The following MARK2 variants were observed in gnomAD, a reference collection of about 807,000 sequenced individuals.
MARK2 encodes serine/threonine-protein kinase MARK2.
MARK2 carries 16 observed loss-of-function variants against 89.8 expected under a neutral mutation model. That is an observed-to-expected ratio of 0.18 (90% CI 0.12 to 0.27). The LOEUF (loss-of-function observed/expected upper bound fraction) is 0.27. Among genes scored for constraint, MARK2 ranks in the 10% least tolerant of loss-of-function variants. The pLI, the probability that MARK2 is intolerant of heterozygous loss-of-function variation, is 1.00. For missense variants in MARK2, 621 were observed against 1,049.9 expected, an observed-to-expected ratio of 0.59 and a Z score of 5.65; for synonymous variants, 382 against 399.5, an observed-to-expected ratio of 0.96 and a Z score of 0.52.
rs759420903 is a variant in MARK2, at chr11:63,901,043, C to G, written c.1075C>G (p.Leu359Val). Residue 359 changes from leucine (L) to valine (V), a missense_variant, in exon 11 of 19, where the codon CTG becomes GTG. Around this residue, in one of 5 missense-constraint regions of MARK2, gnomAD observed 397 missense variants for 567.8 expected, o/e 0.70. Coordinates refer to ENST00000402010, the MANE Select transcript of MARK2 (RefSeq NM_001039469.3). Reference protein sequence around the residue: ...QRYNEVMATYLLLGYKSSELE... With the variant: ...QRYNEVMATYVLLGYKSSELE... ...ATACAACGAGGTGATGGCCACCTAT[C>G]TGCTCCTGGGCTACAAGAGCTCCGA... The G allele has an allele frequency of 6.2e-7, 1 of 1,613,812 alleles. No individual in the cohort carries two copies. Among genetic ancestry groups the G allele is most frequent in the Non-Finnish European group, 8.5e-7 (1 of 1,179,682 alleles).
At chr11:63,863,604 A>G (rs955645118) in intron 1 of MARK2, among the ~76,000 whole-genome samples, 3 of 151,548 alleles carry the variant, frequency 2.0e-5, no homozygotes, top group South Asian at 2.1e-4. Context: ...AACTGGGACT[A>G]CAGGCGCCTG....
Position 63,905,012 on chromosome 11 carries a change from T to A in MARK2, c.1903T>A (p.Phe635Ile). The stretch of plus-strand genomic sequence containing the variant: ...CCGGCGGGGGGCCTCTGGGAGCATC[T>A]TCAGCAAGTTCACCTCCAAGTTTGT... Reference protein sequence around the residue: ...QGRRGASGSIFSKFTSKFVRR... With the variant: ...QGRRGASGSIISKFTSKFVRR... Residue 635 changes from phenylalanine (F) to isoleucine (I), a missense_variant, in exon 16 of 19, where the codon TTC becomes ATC. By Grantham distance (21) the Phe-to-Ile change is conservative. This residue lies in a region of MARK2 where 397 missense variants were observed against 567.8 expected (regional missense o/e 0.70). Coordinates refer to ENST00000402010, the MANE Select transcript of MARK2 (RefSeq NM_001039469.3). The A allele has an allele frequency of 6.2e-7, 1 of 1,614,076 alleles. No individual in the cohort carries two copies. Among genetic ancestry groups the A allele is most frequent in the Non-Finnish European group, 8.5e-7 (1 of 1,179,964 alleles).
intron 1 of MARK2, among the ~76,000 whole-genome samples, chr11:63,839,794 C>T (rs980154791): frequency 1.3e-5 from 2 of 151,958 alleles, no homozygotes; most frequent in Admixed American, 6.6e-5. Flanking sequence ...CCCGTCTCCC[C>T]TCACCGCCCT....
intron 18 of MARK2, 123 bp from the exon 19 acceptor site, chr11:63,908,754 C>A (rs962024517): frequency 9.9e-7 from 1 of 1,008,316 alleles, no homozygotes; most frequent in Admixed American, 3.4e-5. Context: ...CCAGGGGCCA[C>A]GCCTGGCTGC....
chr11:63,868,502 A>G (rs375632068), intron 1 of MARK2: 38 of 309,962 alleles, frequency 1.2e-4, no homozygotes, highest in African/African-American at 8.2e-4. Context: ...ATGACTACAG[A>G]GAAGTGCTTT....
intron 1 of MARK2, among the ~76,000 whole-genome samples, chr11:63,850,415 C>T (rs1434902970): frequency 1.3e-5 from 2 of 148,818 alleles, no homozygotes; most frequent in Admixed American, 6.9e-5. Flanking sequence ...GATCTGCCCA[C>T]CTCGGCCTCC....
chr11:63,897,856 G>A (rs1468216289), intron 3 of MARK2, among the ~76,000 whole-genome samples: 1 of 152,192 alleles, frequency 6.6e-6, no homozygotes, highest in Admixed American at 6.5e-5. Flanking sequence ...CCAAGCTGGG[G>A]TGTGTACTGT....
intron 1 of MARK2, among the ~76,000 whole-genome samples, chr11:63,877,573 C>T (rs972756495): frequency 1.1e-4 from 16 of 151,882 alleles, no homozygotes; most frequent in African/African-American, 3.6e-4. Context: ...GTGGTGGGCA[C>T]CTGTAGTCCC....
chr11:63,854,417 A>G (rs1200551882), intron 1 of MARK2, among the ~76,000 whole-genome samples: 4 of 97,672 alleles, frequency 4.1e-5, no homozygotes, highest in Admixed American at 1.2e-4. Flanking sequence ...GGGTTTTACT[A>G]TGTTTGCCAG....
Position 63,899,187 on chromosome 11 carries a change from A to G in MARK2, c.531+79A>G, listed in dbSNP as rs1940661234. The G allele has an allele frequency of 1.5e-5, 13 of 878,182 alleles. 1 individual carries two copies. The South Asian group carries it at 1.7e-4, about 11-fold the overall frequency. The allele number at this position is 878,182 out of a possible 1,614,324, so 54.4% of individuals were successfully genotyped here. A position where few individuals can be genotyped will look rare whatever the true frequency, so the allele number is the denominator to read the frequency against. On this transcript the variant is annotated intron_variant, in intron 7 of 18. Coordinates refer to ENST00000402010, the MANE Select transcript of MARK2 (RefSeq NM_001039469.3). ...TTGGTTCTCCATGATAAAACCATCA[A>G]TAACCATCAGGCCCTGAGTGTTCCA...
At chr11:63,878,359 CTTTTTTTTTTTTTTTT>C (rs59251368) in intron 1 of MARK2, among the ~76,000 whole-genome samples, 3 of 72,712 alleles carry the variant, frequency 4.1e-5, no homozygotes, top group African/African-American at 1.9e-4. Flanking sequence ...TTGTTCAAGT[CTTTTTTTTTTTTTTTT>C]TTTTTTTTTG....
Position 63,903,453 on chromosome 11 carries a change from C to T in MARK2, c.1514+295C>T, listed in dbSNP as rs1219801133. 2.2e-6 allele frequency: 1 copy of T among 444,732 alleles called. No individual in the cohort carries two copies. The highest frequency in any genetic ancestry group is 2.0e-5 in the African/African-American group (1 of 50,102). The allele number at this position is 444,732 out of a possible 1,614,324, so 27.5% of individuals were successfully genotyped here. ...GGCATGGCAGCTGCCCTCCTCTAGA[C>T]ATGAGCAGCTAAGGCCTTGTGTTGG... On this transcript the variant is annotated intron_variant, in intron 14 of 18. Transcript: ENST00000402010. The surrounding 1 kb of genome is among the most constrained non-coding windows in gnomAD (Gnocchi z 5.1).
intron 1 of MARK2, among the ~76,000 whole-genome samples, chr11:63,859,081 G>GT (rs376409490): frequency 8.2e-4 from 121 of 147,276 alleles, no homozygotes; most frequent in South Asian, 4.1e-3. Context: ...GTGTTTTTTT[G>GT]TTTTTTTTTT....
Position 63,909,419 on chromosome 11 carries a change from C to A in MARK2, c.*182C>A. 1 of 599,196 alleles carries A rather than the reference C, an allele frequency of 1.7e-6. No individual in the cohort carries two copies. The highest frequency in any genetic ancestry group is 2.7e-6 in the Non-Finnish European group (1 of 363,872). 37.1% of individuals were successfully genotyped at this position (599,196 alleles called of 1,614,324 possible). On this transcript the variant is annotated 3_prime_UTR_variant, in exon 19 of 19. Coordinates refer to ENST00000402010, the MANE Select transcript of MARK2 (RefSeq NM_001039469.3). ...TTTGTGGGGGGTGGGAGATTGTTCT[C>A]CAGCACCCCACATTCACCCCTGCCC...
chr11:63,904,260 C>A lies in MARK2; in HGVS notation c.1676+113C>A, dbSNP rs567683440. ...TCCTGCTGTGTTCTTGTCATCTTAG[C>A]CACAAGAAATGGGTCTGTCCCCTGC... On this transcript the variant is annotated intron_variant, in intron 15 of 18. Coordinates refer to ENST00000402010, the MANE Select transcript of MARK2 (RefSeq NM_001039469.3). The surrounding 1 kb of genome is among the most constrained non-coding windows in gnomAD (Gnocchi z 6.3). 5 of 981,312 alleles carry A rather than the reference C, an allele frequency of 5.1e-6. No individual in the cohort carries two copies. In the Admixed American group the frequency reaches 9.1e-5, roughly 18 times the overall value. The allele number at this position is 981,312 out of a possible 1,614,324, so 60.8% of individuals were successfully genotyped here.
rs868655470 is a variant in MARK2 at position 63,862,264 on chromosome 11, C to T, written c.54+22704C>T. On this transcript the variant is annotated intron_variant, in intron 1 of 18. Coordinates refer to ENST00000402010, the MANE Select transcript of MARK2 (RefSeq NM_001039469.3). Reference sequence around the variant, plus strand: ...TAAGTTAGTAGATCTCACTGTTTTACAGGTGAGGAAATAGAGGCCCAGAAA... The same window carrying T: ...TAAGTTAGTAGATCTCACTGTTTTATAGGTGAGGAAATAGAGGCCCAGAAA... Among the ~76,000 whole-genome samples the T allele has an allele frequency of 3.9e-5, 6 of 152,224 alleles. No individual in the cohort carries two copies. In the Middle Eastern group the frequency reaches 0.014, roughly 345 times the overall value.
intron 1 of MARK2, among the ~76,000 whole-genome samples, chr11:63,856,823 G>A (rs1034705175): frequency 2.2e-4 from 21 of 94,792 alleles, no homozygotes; most frequent in Non-Finnish European, 3.4e-4. Flanking sequence ...AGTCTCTCTC[G>A]CTCTCTCGCT....
intron 1 of MARK2, among the ~76,000 whole-genome samples, chr11:63,873,281 C>T (rs946568641): frequency 6.6e-5 from 10 of 152,072 alleles, no homozygotes; most frequent in Non-Finnish European, 1.0e-4. Flanking sequence ...CCTTTTTTCC[C>T]GAAAGCCAGG....
At chr11:63,878,437 T>C (rs1938903137) in intron 1 of MARK2, among the ~76,000 whole-genome samples, 1 of 143,152 alleles carries the variant, frequency 7.0e-6, no homozygotes, top group Admixed American at 7.3e-5. Flanking sequence ...TGGCACGATC[T>C]CGGCTCACTG....
Sources: gnomAD v4.1 joint callset for allele counts (sites outside exome capture counted in the v4.1 genomes callset) on GRCh38, gnomAD v4.1.1 for gene constraint, gnomAD v4.1.1 regional missense constraint, Gnocchi (gnomAD v3.1) non-coding constraint, MANE v1.5 for transcripts, NCBI Gene and HGNC (gene_info 2026-07-23, HGNC 2026-07-21) for gene names.